DNAJB6: variants seen among roughly 807,000 people sequenced by gnomAD.
DNAJB6 encodes DnaJ heat shock protein family (Hsp40) member B6, also known as dnaJ homolog subfamily B member 6.
A neutral mutation model predicts 42.7 loss-of-function variants in DNAJB6; 16 were observed. The observed-to-expected ratio is 0.37, with a 90% CI of 0.25 to 0.57. The LOEUF is 0.57. Among genes scored for constraint, DNAJB6 ranks in the 20% least tolerant of loss-of-function variants. The probability of loss-of-function intolerance (pLI) is 0.74; values close to 1 mark genes in which losing one functional copy is unlikely to be tolerated. For missense variants in DNAJB6, 347 were observed against 416.8 expected, an observed-to-expected ratio of 0.83 and a Z score of 1.46; for synonymous variants, 170 against 163.5, an observed-to-expected ratio of 1.04 and a Z score of -0.30.
chr7:157,366,311 T>C (rs1367492487), intron 3 of DNAJB6, among the ~76,000 whole-genome samples, 191 bp from the exon 4 acceptor site: 1 of 152,224 alleles, frequency 6.6e-6, no homozygotes, highest in East Asian at 1.9e-4. Context: ...TTTTTTTGAA[T>C]TGTTTTTCAG....
chr7:157,410,457 C>T (rs1383452530), intron 9 of DNAJB6: 4 of 244,036 alleles, frequency 1.6e-5, no homozygotes, highest in Non-Finnish European at 3.1e-5. Flanking sequence ...AAGACCCCCT[C>T]AAGTCAAGCC....
At chr7:157,374,977 T>G (rs745753855) in intron 5 of DNAJB6, among the ~76,000 whole-genome samples, 11 of 152,272 alleles carry the variant, frequency 7.2e-5, no homozygotes, top group Admixed American at 1.3e-4. Context: ...AGTGGGATTT[T>G]GGTCCCTGGT....
At chr7:157,359,568 A>G (rs903093945) in intron 2 of DNAJB6, among the ~76,000 whole-genome samples, 1 of 152,046 alleles carries the variant, frequency 6.6e-6, no homozygotes, top group South Asian at 2.1e-4. Context: ...TCACACCTCT[A>G]ATCCTAGCAC....
chr7:157,340,309 C>T (rs557498902), intron 1 of DNAJB6, among the ~76,000 whole-genome samples: 1 of 152,204 alleles, frequency 6.6e-6, no homozygotes, highest in East Asian at 1.9e-4. Context: ...TGGTGAGAGG[C>T]GGGTAACTGC....
intron 5 of DNAJB6, chr7:157,379,929 A>G (rs1180103430): frequency 6.7e-6 from 1 of 149,196 alleles, no homozygotes; most frequent in Admixed American, 6.8e-5. Flanking sequence ...TTCGTGCCTC[A>G]GCCTCCTGGG....
chr7:157,416,174 C>A lies in DNAJB6; in HGVS notation c.*76C>A. Reference sequence around the variant, plus strand: ...CTCGGCATGCGGTCGTGCACACGCGCTAGGTAGCAGCGTCGGTCAGGACTG... The same window carrying A: ...CTCGGCATGCGGTCGTGCACACGCGATAGGTAGCAGCGTCGGTCAGGACTG... On this transcript the variant is annotated 3_prime_UTR_variant, in exon 10 of 10. Transcript: ENST00000262177. The A allele has an allele frequency of 6.4e-7, 1 of 1,564,142 alleles. No homozygotes were observed. Among genetic ancestry groups the A allele is most frequent in the African/African-American group, 1.4e-5 (1 of 73,554 alleles).
intron 8 of DNAJB6, among the ~76,000 whole-genome samples, chr7:157,395,485 G>T (rs73505230): frequency 0.023 from 3,468 of 152,320 alleles, 150 homozygotes; most frequent in East Asian, 0.18. Flanking sequence ...AGGAGAGGCA[G>T]TTGGAGGTTG....
At chr7:157,358,951 G>C (rs1246743108) in intron 2 of DNAJB6, among the ~76,000 whole-genome samples, 1 of 152,162 alleles carries the variant, frequency 6.6e-6, no homozygotes, top group African/African-American at 2.4e-5. Context: ...GTGCCCCTTT[G>C]GAAGGCAGGG....
At chr7:157,382,968 C>T (rs955239934) in intron 6 of DNAJB6, among the ~76,000 whole-genome samples, 1 of 152,120 alleles carries the variant, frequency 6.6e-6, no homozygotes, top group Non-Finnish European at 1.5e-5. Context: ...TGAAGCTCAT[C>T]CAGTTTCTCT....
intron 5 of DNAJB6, chr7:157,369,135 CCGG>C (rs201287525): frequency 0.011 from 3,996 of 376,946 alleles, 105 homozygotes; most frequent in African/African-American, 0.067. Context: ...GATTAGGGGA[CCGG>C]GAGACTGGCG....
Position 157,385,158 on chromosome 7 carries a change from T to C in DNAJB6, c.620+150T>C. ...TCTTTTGCTCTCCAAATTCATTAAT[T>C]AAAGCCTTTTCTCTTAAATTTTACT... On this transcript the variant is annotated intron_variant, in intron 7 of 9. Transcript: ENST00000262177. 9.9e-6 allele frequency: 8 copies of C among 808,814 alleles called. No homozygotes were observed. In the South Asian group the frequency reaches 1.4e-4, roughly 14 times the overall value. The allele number at this position is 808,814 out of a possible 1,614,324, so 50.1% of individuals were successfully genotyped here.
intron 6 of DNAJB6, among the ~76,000 whole-genome samples, chr7:157,383,774 G>C (rs1800913124): frequency 6.6e-6 from 1 of 152,092 alleles, no homozygotes; most frequent in Non-Finnish European, 1.5e-5. Flanking sequence ...CTGGAGGCCT[G>C]GCTACTCCTA....
At chr7:157,354,464 ATT>A (rs546128364) in intron 1 of DNAJB6, among the ~76,000 whole-genome samples, 1 of 121,668 alleles carries the variant, frequency 8.2e-6, no homozygotes, top group East Asian at 2.5e-4. Flanking sequence ...TTTAGTTTTA[ATT>A]TTTTTTTTAA....
intron 1 of DNAJB6, among the ~76,000 whole-genome samples, chr7:157,345,381 C>T (rs1198495973): frequency 6.6e-6 from 1 of 152,190 alleles, no homozygotes; most frequent in Admixed American, 6.5e-5. Flanking sequence ...AGTGACATGA[C>T]ATGGCTCACA....
At chr7:157,341,288 C>G (rs968322228) in intron 1 of DNAJB6, among the ~76,000 whole-genome samples, 2 of 152,084 alleles carry the variant, frequency 1.3e-5, no homozygotes, top group Admixed American at 6.6e-5. Flanking sequence ...CTGCTCCCGA[C>G]TGATTTTTGT....
At position 157,409,874 on chromosome 7, in the gene DNAJB6, C is replaced by T. The variant is rs1424874250; in HGVS notation, c.771C>T (p.Leu257=). Residue 257 remains leucine (L), a synonymous_variant, in exon 9 of 10, where the codon CTC becomes CTT. Coordinates refer to ENST00000262177, the MANE Select transcript of DNAJB6 (RefSeq NM_058246.4). ...CCCTGCCAGCCCAGCCTGCCGGCCT[C>T]CGCCCGCCGAAGCCGCCCCGGCCTG... The part of the protein sequence containing the change: ...QNALPAQPAG[L]RPPKPPRPAS... The T allele has an allele frequency of 6.5e-7, 1 of 1,533,386 alleles. No homozygotes were observed. The highest frequency in any genetic ancestry group is 2.0e-5 in the Admixed American group (1 of 50,876). The allele number at this position is 1,533,386 out of a possible 1,614,324, so 95.0% of individuals were successfully genotyped here.
Position 157,416,342 on chromosome 7 carries a change from C to A in DNAJB6, c.*244C>A, listed in dbSNP as rs1278410510. On this transcript the variant is annotated 3_prime_UTR_variant, in exon 10 of 10. Transcript: ENST00000262177. ...TCTCTGCTTCTCTCCAGCTCTCAAT[C>A]TGCTGCATTTTCCTCTAGTGCTTCC... 2 of 529,528 alleles carry A rather than the reference C, an allele frequency of 3.8e-6. No individual in the cohort carries two copies. The highest frequency in any genetic ancestry group is 6.7e-5 in the Admixed American group (2 of 30,042). The allele number at this position is 529,528 out of a possible 1,614,324, so 32.8% of individuals were successfully genotyped here.
intron 8 of DNAJB6, among the ~76,000 whole-genome samples, chr7:157,391,990 A>G (rs1206804624): frequency 6.6e-6 from 1 of 151,250 alleles, no homozygotes; most frequent in Non-Finnish European, 1.5e-5. Context: ...GTAGTCCCAG[A>G]TACTCAGGAG....
In DNAJB6 at chr7:157,388,638, TG is replaced by T. The variant is rs35379241; in HGVS notation, c.691+3037del. ...TTTTTAAAAATACTTCAATAGCTTT[TG>T]GGGGGGGGGTAAGTGGTTTTTGGTG... On this transcript the variant is annotated intron_variant, in intron 8 of 9. Coordinates refer to ENST00000262177, the MANE Select transcript of DNAJB6 (RefSeq NM_058246.4). 1.2e-3 allele frequency among the ~76,000 whole-genome samples: 176 copies of T among 143,670 alleles called. 2 individuals are homozygous for T. In the East Asian group the frequency reaches 0.014, roughly 11 times the overall value. The allele number at this position is 143,670 out of a possible 152,430, so 94.3% of individuals were successfully genotyped here. A position where few individuals can be genotyped will look rare whatever the true frequency, so the allele number is the denominator to read the frequency against.
Sources: gnomAD v4.1 joint callset for allele counts (sites outside exome capture counted in the v4.1 genomes callset) on GRCh38, gnomAD v4.1.1 for gene constraint, MANE v1.5 for transcripts, NCBI Gene and HGNC (gene_info 2026-07-23, HGNC 2026-07-21) for gene names.